STAB2: variants seen among roughly 807,000 people sequenced by gnomAD.
STAB2 encodes stabilin-2.
STAB2 carries 288 observed loss-of-function variants against 338.1 expected under a neutral mutation model. The observed-to-expected ratio is 0.85, with a 90% CI of 0.77 to 0.94. STAB2 has a LOEUF of 0.94. STAB2 is among the 40% of genes least tolerant of loss of function. The probability of loss-of-function intolerance (pLI) is 0.00; values close to 1 mark genes in which losing one functional copy is unlikely to be tolerated. For missense variants in STAB2, 3,141 were observed against 3,210.1 expected, an observed-to-expected ratio of 0.98 and a Z score of 0.52; for synonymous variants, 1,202 against 1,193.3, an observed-to-expected ratio of 1.01 and a Z score of -0.15.
chr12:103,595,488 GT>G (rs1474077454), intron 3 of STAB2, among the ~76,000 whole-genome samples: 10 of 151,956 alleles, frequency 6.6e-5, no homozygotes, highest in African/African-American at 2.4e-4. Flanking sequence ...TCAGTCTTGG[GT>G]TTTTTTCCAT....
At position 103,763,478 on chromosome 12, in the gene STAB2, G is replaced by C; in HGVS notation, c.7489-14G>C. On this transcript the variant is annotated splice_polypyrimidine_tract_variant and intron_variant, in intron 67 of 68. Coordinates refer to ENST00000388887, the MANE Select transcript of STAB2 (RefSeq NM_017564.10). The stretch of plus-strand genomic sequence containing the variant: ...GGGGATGCTCCTGGCTTTCATGCTT[G>C]TCTTTCCAAACAGTCGGAAGAGGAC... The C allele has an allele frequency of 2.5e-6, 4 of 1,612,944 alleles. No individual in the cohort carries two copies. The highest frequency in any genetic ancestry group is 3.4e-6 in the Non-Finnish European group (4 of 1,179,160).
intron 3 of STAB2, among the ~76,000 whole-genome samples, chr12:103,596,800 G>A (rs1956881986): frequency 6.6e-6 from 1 of 151,906 alleles, no homozygotes; most frequent in Non-Finnish European, 1.5e-5. Flanking sequence ...AACCAAAAGA[G>A]TCCAAAAAGG....
chr12:103,734,339 AT>A (rs1881924679), intron 51 of STAB2, among the ~76,000 whole-genome samples: 1 of 151,584 alleles, frequency 6.6e-6, no homozygotes, highest in Non-Finnish European at 1.5e-5. Flanking sequence ...GCATGATCAC[AT>A]GGGAGCATGC....
chr12:103,718,357 GC>G, intron 44 of STAB2, among the ~76,000 whole-genome samples: 1 of 152,146 alleles, frequency 6.6e-6, no homozygotes, highest in South Asian at 2.1e-4. Flanking sequence ...ACCCTCCATG[GC>G]CCCTACCACC....
intron 43 of STAB2, 77 bp downstream of exon 43, chr12:103,715,965 A>G (rs1880278484): frequency 3.3e-6 from 5 of 1,496,748 alleles, no homozygotes; most frequent in Admixed American, 1.9e-5. Context: ...CCTGAGAGAA[A>G]GAGGCTGAGA....
intron 11 of STAB2, 39 bp downstream of exon 11, chr12:103,650,617 T>G (rs764002454): frequency 6.4e-7 from 1 of 1,560,442 alleles, no homozygotes; most frequent in Non-Finnish European, 8.8e-7. Context: ...GGGGCTAATA[T>G]GAAAAGCCTT....
At chr12:103,761,150 A>G in intron 65 of STAB2, 150 bp from the exon 66 acceptor site, 1 of 667,316 alleles carries the variant, frequency 1.5e-6, no homozygotes, top group South Asian at 1.8e-5. Context: ...TGGGCTGTCC[A>G]GAGGGTGAGG....
intron 3 of STAB2, among the ~76,000 whole-genome samples, chr12:103,614,806 T>A (rs697197): frequency 0.79 from 119,636 of 152,116 alleles, 47,339 homozygotes; most frequent in East Asian, 1. Flanking sequence ...GTTTAGGACA[T>A]TCTACATAAA....
chr12:103,661,559 A>T (rs1301908068), intron 17 of STAB2, among the ~76,000 whole-genome samples: 1 of 152,246 alleles, frequency 6.6e-6, no homozygotes, highest in African/African-American at 2.4e-5. Flanking sequence ...TGCATAAAAT[A>T]TATCATCTAT....
At position 103,751,056 on chromosome 12, in the gene STAB2, C is replaced by T. The variant is rs992123667; in HGVS notation, c.6580+336C>T. Among the ~76,000 whole-genome samples, 10 of 152,318 alleles carry T rather than the reference C, an allele frequency of 6.6e-5. 1 individual carries two copies. The highest frequency in any genetic ancestry group is 2.0e-4 in the Admixed American group (3 of 15,302). ...GGCAATAGGACATCTTGAAACCCAA[C>T]GGAGGAAGCCAGAAAGGACCCACAA... On this transcript the variant is annotated intron_variant, in intron 60 of 68. Transcript: ENST00000388887.
intron 11 of STAB2, among the ~76,000 whole-genome samples, chr12:103,651,639 T>C (rs959767028): frequency 6.6e-6 from 1 of 152,170 alleles, no homozygotes; most frequent in Non-Finnish European, 1.5e-5. Context: ...TGTGTGTTCT[T>C]GTCATCTGTC....
intron 1 of STAB2, among the ~76,000 whole-genome samples, chr12:103,589,983 G>C (rs1316477269): frequency 6.6e-6 from 1 of 152,148 alleles, no homozygotes; most frequent in Non-Finnish European, 1.5e-5. Context: ...TATAGAGTTT[G>C]ACTCCAAACT....
intron 38 of STAB2, 126 bp from the exon 39 acceptor site, chr12:103,708,315 T>C: frequency 1.1e-6 from 1 of 927,854 alleles, no homozygotes; most frequent in Non-Finnish European, 1.7e-6. Flanking sequence ...AAGACCCCTG[T>C]TAAAGACTAT....
At chr12:103,640,068 CA>C in intron 8 of STAB2, 54 bp from the exon 9 acceptor site, 1 of 1,542,698 alleles carries the variant, frequency 6.5e-7, no homozygotes, top group East Asian at 2.3e-5. Context: ...AGAAGAATGC[CA>C]GCTGAAGTAA....
intron 34 of STAB2, 145 bp from the exon 35 acceptor site, chr12:103,703,003 C>G (rs1288252456): frequency 1.0e-6 from 1 of 984,850 alleles, no homozygotes; most frequent in South Asian, 2.1e-5. Flanking sequence ...AGTCAGAGCT[C>G]TTTCCAATAC....
chr12:103,743,166 G>T (rs377457152), intron 56 of STAB2, among the ~76,000 whole-genome samples: 4 of 151,906 alleles, frequency 2.6e-5, no homozygotes, highest in East Asian at 1.9e-4. Flanking sequence ...GGGATTACAG[G>T]CGCCCGCCAC....
At chr12:103,690,296 G>T in intron 29 of STAB2, 128 bp from the exon 30 acceptor site, 1 of 836,464 alleles carries the variant, frequency 1.2e-6, no homozygotes, top group South Asian at 1.8e-5. Context: ...AGCCAAGGCT[G>T]GTAACTGCAG....
rs1874540856 is a variant in STAB2, at chr12:103,660,722, A to T, written c.1828A>T (p.Ser610Cys). The change falls in exon 17 of 69, where the codon AGC (serine) becomes TGC (cysteine). Residue 610 changes from serine (S) to cysteine (C), a missense_variant. By Grantham distance (112) the Ser-to-Cys change is moderately radical (BLOSUM62 -1). Coordinates refer to ENST00000388887, the MANE Select transcript of STAB2 (RefSeq NM_017564.10). ...TCTCATCTCCACCCCTCACATCAGG[A>T]GCATGGCCAACCAGCTCATACAGTT... The part of the protein sequence containing the change: ...ATLISTPHIR[S>C]MANQLIQFNT... 2 of 1,614,020 alleles carry T rather than the reference A, an allele frequency of 1.2e-6. No homozygotes were observed. Among genetic ancestry groups the T allele is most frequent in the Middle Eastern group, 1.6e-4 (1 of 6,084 alleles).
chr12:103,748,584 CCACACACACACACACACACATACA>C lies in STAB2; in HGVS notation c.6245-358_6245-335del, dbSNP rs1336693300. Among the ~76,000 whole-genome samples the C allele has an allele frequency of 1.3e-3, 182 of 141,956 alleles. 1 individual carries two copies. Among genetic ancestry groups the C allele is most frequent in the East Asian group, 0.011 (51 of 4,850 alleles). The allele number at this position is 141,956 out of a possible 152,430, so 93.1% of individuals were successfully genotyped here. A position where few individuals can be genotyped will look rare whatever the true frequency, so the allele number is the denominator to read the frequency against. On this transcript the variant is annotated intron_variant, in intron 58 of 68. Coordinates refer to ENST00000388887, the MANE Select transcript of STAB2 (RefSeq NM_017564.10). ...TGCTCAATATTGTACTAACTCTACA[CCACACACACACACACACACATACA>C]CACACACACACACACACACACACAC...
Sources: allele counts gnomAD v4.1 joint callset (sites outside exome capture counted in the v4.1 genomes callset), GRCh38; gene constraint gnomAD v4.1.1; transcripts MANE v1.5; gene names NCBI Gene and HGNC (gene_info 2026-07-23, HGNC 2026-07-21).